The following STK32A variants were observed in gnomAD, a reference collection of about 807,000 sequenced individuals.
The protein encoded by STK32A is serine/threonine kinase 32A.
Under a neutral mutation model 53.2 loss-of-function variants are expected in STK32A, and 41 were observed. The observed-to-expected ratio is 0.77, with a 90% CI of 0.60 to 1.00. The LOEUF (loss-of-function observed/expected upper bound fraction) is 1.00, where lower values mean the gene tolerates loss of function less well. STK32A is among the 50% of genes least tolerant of loss of function. The pLI, the probability that STK32A is intolerant of heterozygous loss-of-function variation, is 0.00. For missense variants in STK32A, 458 were observed against 485.8 expected (o/e 0.94, Z 0.54); for synonymous variants, 166 against 162.8 (o/e 1.02, Z -0.15).
downstream of STK32A, among the ~76,000 whole-genome samples, chr5:147,389,742 G>A (rs1452080998): frequency 5.3e-5 from 8 of 152,084 alleles, no homozygotes; most frequent in African/African-American, 7.2e-5. Flanking sequence ...GTGGTGGCGC[G>A]TGCCTGTAGT....
intron 5 of STK32A, among the ~76,000 whole-genome samples, chr5:147,329,938 C>T (rs1249938680): frequency 6.6e-6 from 1 of 152,196 alleles, no homozygotes; most frequent in Non-Finnish European, 1.5e-5. Flanking sequence ...TGGAGGATGT[C>T]GTCTTCAGCA....
chr5:147,294,034 T>A (rs1752736446), intron 4 of STK32A, among the ~76,000 whole-genome samples: 1 of 152,188 alleles, frequency 6.6e-6, no homozygotes, highest in Non-Finnish European at 1.5e-5. Flanking sequence ...TATAACCTAT[T>A]ACAATTTTCT....
intron 4 of STK32A, among the ~76,000 whole-genome samples, chr5:147,294,428 A>G (rs1752762553): frequency 6.6e-6 from 1 of 150,984 alleles, no homozygotes; most frequent in Admixed American, 6.6e-5. Flanking sequence ...TGCCGGGCTA[A>G]TTTTTGTATT....
chr5:147,310,779 C>A (rs934757748), intron 4 of STK32A, among the ~76,000 whole-genome samples: 1 of 142,616 alleles, frequency 7.0e-6, no homozygotes, highest in Non-Finnish European at 1.6e-5. Flanking sequence ...ATATGGAGAG[C>A]AAAATGTTGT....
chr5:147,244,384 G>T (rs1753700938), intron 2 of STK32A, among the ~76,000 whole-genome samples: 1 of 152,148 alleles, frequency 6.6e-6, no homozygotes, highest in Non-Finnish European at 1.5e-5. Flanking sequence ...CAATTCTTTT[G>T]GGTATATACC....
In STK32A at chr5:147,326,522, T is replaced by A. The variant is rs375412928; in HGVS notation, c.434+2451T>A. Among the ~76,000 whole-genome samples the A allele has an allele frequency of 4.1e-4, 63 of 152,302 alleles. No individual in the cohort carries two copies. In the South Asian group the frequency reaches 0.013, roughly 32 times the overall value. ...GTACCTCTCCTGAGGAGTTGTGACA[T>A]TTGGTGTATAATTAATTCATTTGTC... On this transcript the variant is annotated intron_variant, in intron 5 of 12. Transcript: ENST00000397936.
intron 2 of STK32A, among the ~76,000 whole-genome samples, chr5:147,244,587 G>A (rs1753707828): frequency 6.6e-6 from 1 of 152,180 alleles, no homozygotes; most frequent in African/African-American, 2.4e-5. Context: ...ATGTTTCTAT[G>A]AGAAGAGTCA....
rs1280974312 is a variant in STK32A at position 147,386,809 on chromosome 5, C to A, written c.*2826C>A. On this transcript the variant is annotated 3_prime_UTR_variant, in exon 13 of 13. Transcript: ENST00000397936. ...CAGTGCTGATTGTAATCACCTCCCA[C>A]CACTGTGCATTTTAAACATGAGAAC... 25 of 152,322 alleles carry A rather than the reference C, an allele frequency of 1.6e-4. 1 individual carries two copies. Among genetic ancestry groups the A allele is most frequent in the Admixed American group, 1.6e-3 (25 of 15,298 alleles). The allele number at this position is 152,322 out of a possible 1,614,324, so 9.4% of individuals were successfully genotyped here. A position where few individuals can be genotyped will look rare whatever the true frequency, so the allele number is the denominator to read the frequency against.
At chr5:147,357,152 A>T (rs1165819342) in intron 7 of STK32A, among the ~76,000 whole-genome samples, 1 of 151,860 alleles carries the variant, frequency 6.6e-6, no homozygotes, top group Non-Finnish European at 1.5e-5. Flanking sequence ...AAATTAATTA[A>T]TTTGATTAAT....
the STK32A span, chr5:147,397,912 T>C: frequency 7.0e-7 from 1 of 1,434,132 alleles, no homozygotes; most frequent in African/African-American, 1.4e-5. Flanking sequence ...CTTCTCTCCT[T>C]GAGACCTTCA....
intron 1 of STK32A, among the ~76,000 whole-genome samples, chr5:147,236,458 T>C (rs1039666386): frequency 8.5e-5 from 13 of 152,096 alleles, no homozygotes; most frequent in Non-Finnish European, 1.3e-4. Context: ...ACAGCTCTAC[T>C]GGGCTCTTCA....
At chr5:147,291,452 C>T (rs1752594527) in intron 4 of STK32A, among the ~76,000 whole-genome samples, 1 of 151,808 alleles carries the variant, frequency 6.6e-6, no homozygotes, top group Non-Finnish European at 1.5e-5. Flanking sequence ...CTTGTGGGAT[C>T]ATCTCTAGGC....
intron 4 of STK32A, among the ~76,000 whole-genome samples, chr5:147,281,204 G>A (rs1042239244): frequency 6.6e-6 from 1 of 152,032 alleles, no homozygotes; most frequent in East Asian, 1.9e-4. Context: ...GGCTCTTGAT[G>A]CCCCCCAAAA....
intron 4 of STK32A, among the ~76,000 whole-genome samples, chr5:147,307,358 C>T (rs547176865): frequency 2.0e-5 from 3 of 152,024 alleles, no homozygotes; most frequent in Admixed American, 6.6e-5. Context: ...CAGTGACTCA[C>T]GCTTGTAATC....
At chr5:147,355,330 C>T (rs1424365201) in intron 7 of STK32A, among the ~76,000 whole-genome samples, 1 of 152,162 alleles carries the variant, frequency 6.6e-6, no homozygotes, top group Non-Finnish European at 1.5e-5. Context: ...TTCCTTCTCT[C>T]TTCTCCTTTG....
the STK32A span, chr5:147,394,157 A>G: frequency 6.2e-7 from 1 of 1,609,352 alleles, no homozygotes; most frequent in East Asian, 2.2e-5. Flanking sequence ...GGGGGAAAAA[A>G]AAAACAGAGT....
chr5:147,329,199 C>T (rs1754743960), intron 5 of STK32A, among the ~76,000 whole-genome samples: 1 of 152,074 alleles, frequency 6.6e-6, no homozygotes, highest in South Asian at 2.1e-4. Flanking sequence ...TCACCTTTGC[C>T]TTCTTTGCTG....
chr5:147,400,832 C>T, the STK32A span: 5 of 1,613,048 alleles, frequency 3.1e-6, no homozygotes, highest in Middle Eastern at 1.6e-4. Context: ...TGCAGATCCC[C>T]GCTGGCAAAG....
chr5:147,317,566 C>G (rs1754068387), intron 4 of STK32A, among the ~76,000 whole-genome samples: 1 of 151,970 alleles, frequency 6.6e-6, no homozygotes, highest in Non-Finnish European at 1.5e-5. Flanking sequence ...ACCTCGTGAT[C>G]CACCCGCTTC....
Sources: allele counts gnomAD v4.1 joint callset (sites outside exome capture counted in the v4.1 genomes callset), GRCh38; gene constraint gnomAD v4.1.1; transcripts MANE v1.5; gene names NCBI Gene and HGNC (gene_info 2026-07-23, HGNC 2026-07-21).